Variants in STIM1 observed in about 807,000 individuals in gnomAD.
The protein encoded by STIM1 is stromal interaction molecule 1.
A neutral mutation model predicts 74.7 loss-of-function variants in STIM1; 25 were observed. That is an observed-to-expected ratio of 0.33 (90% CI 0.24 to 0.47). The LOEUF is 0.47. STIM1 is among the 20% of genes least tolerant of loss of function. The pLI is 1.00. For synonymous variants in STIM1, 328 were observed against 348.8 expected (o/e 0.94, Z 0.66); for missense variants, 728 against 920.8 (o/e 0.79, Z 2.71).
At position 4,071,399 on chromosome 11, in the gene STIM1, G is replaced by GAA. The variant is rs373486824; in HGVS notation, c.791+1197_791+1198dup. ...TGGGTCTTGCTCTGTTGCCCAGGCT[G>GAA]AAGTTCAATAGCATGAACATGGCTC... On this transcript the variant is annotated intron_variant, in intron 6 of 12. Transcript: ENST00000526596. Among the ~76,000 whole-genome samples the GAA allele has an allele frequency of 2.4e-3, 362 of 151,834 alleles. 1 individual carries two copies. The highest frequency in any genetic ancestry group is 8.1e-3 in the African/African-American group (335 of 41,382).
chr11:3,896,466 C>G (rs1447358808), intron 1 of STIM1, among the ~76,000 whole-genome samples: 1 of 152,188 alleles, frequency 6.6e-6, no homozygotes, highest in East Asian at 1.9e-4. Context: ...GTCTTTTCAT[C>G]ATTATACTAT....
chr11:3,984,436 A>G (rs528725247), intron 2 of STIM1, among the ~76,000 whole-genome samples: 127 of 152,292 alleles, frequency 8.3e-4, no homozygotes, highest in African/African-American at 3.0e-3. Flanking sequence ...GATAGCTGAC[A>G]CCATGAATGA....
At chr11:3,930,518 A>G (rs1254952040) in intron 1 of STIM1, among the ~76,000 whole-genome samples, 1 of 152,212 alleles carries the variant, frequency 6.6e-6, no homozygotes, top group African/African-American at 2.4e-5. Context: ...AATAAGGCCT[A>G]TCAGGCTGTG....
intron 1 of STIM1, chr11:3,961,354 C>T: frequency 4.1e-6 from 1 of 246,312 alleles, no homozygotes; most frequent in Non-Finnish European, 8.8e-6. Context: ...TGAGGAAGGA[C>T]TGAAACAACT....
chr11:4,059,332 C>T lies in STIM1; in HGVS notation c.549C>T (p.Asp183=), dbSNP rs1590681707. The change falls in exon 5 of 13, where the codon GAC becomes GAT. Residue 183 remains aspartate (D), a synonymous_variant. Coordinates refer to ENST00000526596, the MANE Select transcript of STIM1 (RefSeq NM_001382567.1). ...CAGGGACTGTGCTGAAGATGACAGA[C>T]CGGAGTCATCGGCAGAAGCTGCAGC... ...TMTGTVLKMT[D]RSHRQKLQLK... The T allele has an allele frequency of 5.0e-6, 8 of 1,614,096 alleles. No homozygotes were observed. The highest frequency in any genetic ancestry group is 6.8e-6 in the Non-Finnish European group (8 of 1,179,988).
At chr11:3,959,812 A>G (rs1321603196) in intron 1 of STIM1, among the ~76,000 whole-genome samples, 1 of 152,166 alleles carries the variant, frequency 6.6e-6, no homozygotes, top group Non-Finnish European at 1.5e-5. Flanking sequence ...TCATAATAAT[A>G]TATTATTTGC....
intron 3 of STIM1, among the ~76,000 whole-genome samples, chr11:4,026,997 C>T (rs1590658650): frequency 6.6e-6 from 1 of 152,238 alleles, no homozygotes; most frequent in East Asian, 1.9e-4. Context: ...GGCTCAGAGC[C>T]CCAATGTTCT....
At chr11:4,026,973 G>C (rs1046114421) in intron 3 of STIM1, among the ~76,000 whole-genome samples, 2 of 152,144 alleles carry the variant, frequency 1.3e-5, no homozygotes, top group Admixed American at 6.6e-5. Flanking sequence ...ATAAAGGTTG[G>C]ATTGGTATCA....
intron 3 of STIM1, among the ~76,000 whole-genome samples, chr11:4,043,405 T>G (rs1053508235): frequency 1.3e-5 from 2 of 152,186 alleles, no homozygotes; most frequent in African/African-American, 4.8e-5. Context: ...CTTTTTAATT[T>G]TTTTATACCT....
chr11:3,994,185 A>G (rs532492584), intron 2 of STIM1, among the ~76,000 whole-genome samples: 234 of 152,130 alleles, frequency 1.5e-3, no homozygotes, highest in Non-Finnish European at 2.7e-3. Context: ...ATGTTATCCC[A>G]TTGTCTTCTG....
At position 3,902,574 on chromosome 11, in the gene STIM1, C is replaced by T. The variant is rs763594729; in HGVS notation, c.139+46165C>T. Among the ~76,000 whole-genome samples the T allele has an allele frequency of 4.6e-5, 7 of 152,342 alleles. No individual in the cohort carries two copies. In the South Asian group the frequency reaches 1.2e-3, roughly 27 times the overall value. On this transcript the variant is annotated intron_variant, in intron 1 of 12. Coordinates refer to ENST00000526596, the MANE Select transcript of STIM1 (RefSeq NM_001382567.1). Reference sequence around the variant, plus strand: ...TTTGCACTCCTGTGAGAACCTAATGCTGCCACTGATATGACAGGAGGCGGA... The same window carrying T: ...TTTGCACTCCTGTGAGAACCTAATGTTGCCACTGATATGACAGGAGGCGGA...
intron 1 of STIM1, among the ~76,000 whole-genome samples, chr11:3,892,045 T>A (rs558435383): frequency 1.3e-4 from 20 of 152,280 alleles, no homozygotes; most frequent in Non-Finnish European, 1.8e-4. Context: ...AGAAATTTGG[T>A]AAATGTTTGT....
At chr11:4,041,496 G>A (rs2094146900) in intron 3 of STIM1, among the ~76,000 whole-genome samples, 1 of 151,764 alleles carries the variant, frequency 6.6e-6, no homozygotes, top group African/African-American at 2.4e-5. Flanking sequence ...CATCATTTTG[G>A]TGGTGAAAAA....
chr11:3,966,438 T>C lies in STIM1; in HGVS notation c.140-1114T>C, dbSNP rs191442039. Among the ~76,000 whole-genome samples the C allele has an allele frequency of 8.0e-3, 1,217 of 152,310 alleles. 8 individuals are homozygous for C. The highest frequency in any genetic ancestry group is 0.019 in the South Asian group (91 of 4,820). On this transcript the variant is annotated intron_variant, in intron 1 of 12. Coordinates refer to ENST00000526596, the MANE Select transcript of STIM1 (RefSeq NM_001382567.1). ...TAGATGATTAAATGGATTAGGGTAT[T>C]TTAGGTCTTTGATTAGTGCCTTCTA...
chr11:3,903,482 T>G (rs11030210), intron 1 of STIM1: 145,335 of 152,268 alleles, frequency 0.95, 69,368 homozygotes, highest in African/African-American at 0.98. Context: ...GATGGCTCTG[T>G]CAGTTGGCAG....
intron 1 of STIM1, among the ~76,000 whole-genome samples, chr11:3,889,368 ATTTTTTT>A (rs35294046): frequency 7.2e-6 from 1 of 138,992 alleles, no homozygotes; most frequent in Non-Finnish European, 1.6e-5. Flanking sequence ...CAGATATTTA[ATTTTTTT>A]TTTTTTTTTT....
chr11:4,056,326 G>A (rs921818141), intron 4 of STIM1, among the ~76,000 whole-genome samples: 2 of 152,196 alleles, frequency 1.3e-5, no homozygotes, highest in Non-Finnish European at 2.9e-5. Flanking sequence ...AGTGGGAAGG[G>A]GATGGAGTAC....
intron 12 of STIM1, chr11:4,086,744 A>G (rs2094496115): frequency 6.5e-7 from 1 of 1,537,440 alleles, no homozygotes; most frequent in South Asian, 1.2e-5. Flanking sequence ...ACCACCGTCC[A>G]TGTCCACCCT....
chr11:3,895,624 T>TTC (rs1565104536), intron 1 of STIM1, among the ~76,000 whole-genome samples: 4 of 4,830 alleles, frequency 8.3e-4, no homozygotes, highest in Middle Eastern at 0.042. Context: ...CTTTCTTTCT[T>TTC]TCTTTCTTTC....
Sources: gnomAD v4.1 joint callset for allele counts (sites outside exome capture counted in the v4.1 genomes callset) on GRCh38, gnomAD v4.1.1 for gene constraint, MANE v1.5 for transcripts, NCBI Gene and HGNC (gene_info 2026-07-23, HGNC 2026-07-21) for gene names.